Variants in CSMD2 observed in about 807,000 individuals in gnomAD.
CSMD2 encodes the protein CUB and sushi domain-containing protein 2.
A neutral mutation model predicts 398.5 loss-of-function variants in CSMD2; 130 were observed. The ratio of observed to expected loss-of-function variants is 0.33; its 90% CI spans 0.28 to 0.38. The LOEUF (loss-of-function observed/expected upper bound fraction) is 0.38, where lower values mean the gene tolerates loss of function less well. Ranked by LOEUF, CSMD2 falls within the 10% of genes least tolerant of loss-of-function variation. The pLI is 1.00. For synonymous variants in CSMD2, 1,828 were observed against 1,908.5 expected, an observed-to-expected ratio of 0.96 and a Z score of 1.10; for missense variants, 3,829 against 4,764.9, an observed-to-expected ratio of 0.80 and a Z score of 5.78.
chr1:34,146,433 T>C (rs1286581384), intron 1 of CSMD2, among the ~76,000 whole-genome samples: 1 of 152,186 alleles, frequency 6.6e-6, no homozygotes, highest in Non-Finnish European at 1.5e-5. Context: ...ACCTTTGTCT[T>C]GTCCCTCCTC....
intron 29 of CSMD2, among the ~76,000 whole-genome samples, chr1:33,640,465 A>G (rs955796350): frequency 3.9e-5 from 6 of 152,206 alleles, no homozygotes; most frequent in African/African-American, 1.4e-4. Context: ...CTGGTTTTGT[A>G]AATAAAGTTT....
intron 57 of CSMD2, 133 bp downstream of exon 57, chr1:33,545,904 A>G (rs1215984339): frequency 5.4e-6 from 4 of 747,142 alleles, no homozygotes; most frequent in African/African-American, 5.3e-5. Context: ...TTGCAGTCCT[A>G]TCAGCCAGGC....
At chr1:33,535,505 T>C (rs1655682176) in intron 62 of CSMD2, among the ~76,000 whole-genome samples, 2 of 152,244 alleles carry the variant, frequency 1.3e-5, no homozygotes. Context: ...ATTCATTTTC[T>C]TTGCTGTATA....
At chr1:33,570,343 T>G (rs1659485433) in intron 51 of CSMD2, among the ~76,000 whole-genome samples, 1 of 151,464 alleles carries the variant, frequency 6.6e-6, no homozygotes, top group South Asian at 2.1e-4. Context: ...ATTTTTTTTT[T>G]TTTTTTTTTT....
chr1:33,559,793 C>T lies in CSMD2; in HGVS notation c.8381-320G>A, dbSNP rs1309925468. On this transcript the variant is annotated intron_variant, in intron 53 of 70. Coordinates refer to ENST00000373381, the MANE Select transcript of CSMD2 (RefSeq NM_001281956.2). The surrounding 1 kb of genome is among the most constrained non-coding windows in gnomAD (Gnocchi z 4.0). ...TTCCTTGCCTCTGATGCCCTCGGCT[C>T]CCCAGATCCATTCTTAATTGCTGGG... Among the ~76,000 whole-genome samples, 1 of 151,994 alleles carries T rather than the reference C, an allele frequency of 6.6e-6. No individual in the cohort carries two copies. Among genetic ancestry groups the T allele is most frequent in the Non-Finnish European group, 1.5e-5 (1 of 67,982 alleles).
At chr1:33,786,765 TG>T (rs951364781) in intron 12 of CSMD2, among the ~76,000 whole-genome samples, 9 of 152,192 alleles carry the variant, frequency 5.9e-5, no homozygotes, top group African/African-American at 2.2e-4. Flanking sequence ...TTCTGTCTGT[TG>T]TTCTGTCTTC....
intron 2 of CSMD2, among the ~76,000 whole-genome samples, chr1:34,052,241 C>T (rs957826032): frequency 5.3e-5 from 8 of 151,088 alleles, no homozygotes; most frequent in South Asian, 2.1e-4. Flanking sequence ...AGTCAACCAA[C>T]CATGCATTGA....
intron 3 of CSMD2, among the ~76,000 whole-genome samples, chr1:34,021,601 C>A (rs1410108443): frequency 6.6e-6 from 1 of 152,204 alleles, no homozygotes; most frequent in African/African-American, 2.4e-5. Flanking sequence ...CCTGGGGCAC[C>A]CTGCTGCTTC....
At chr1:33,673,165 A>G (rs993649493) in intron 25 of CSMD2, among the ~76,000 whole-genome samples, 3 of 152,212 alleles carry the variant, frequency 2.0e-5, no homozygotes, top group African/African-American at 7.2e-5. Context: ...AACTACTCCA[A>G]GCTAAAGGAG....
intron 2 of CSMD2, among the ~76,000 whole-genome samples, chr1:34,071,905 A>T (rs1655770926): frequency 6.6e-6 from 1 of 152,254 alleles, no homozygotes; most frequent in African/African-American, 2.4e-5. Flanking sequence ...TCATTCAATC[A>T]CACAATTTCA....
intron 5 of CSMD2, among the ~76,000 whole-genome samples, chr1:33,865,479 C>T (rs375821812): frequency 6.5e-4 from 99 of 152,070 alleles, no homozygotes; most frequent in African/African-American, 2.3e-3. Context: ...ATGTGGCCTC[C>T]ACTCCTCTTC....
chr1:34,043,093 T>C (rs1652058595), intron 2 of CSMD2, among the ~76,000 whole-genome samples: 1 of 151,952 alleles, frequency 6.6e-6, no homozygotes, highest in East Asian at 1.9e-4. Context: ...CCAGCTAATT[T>C]TTTTGTATTT....
intron 19 of CSMD2, among the ~76,000 whole-genome samples, chr1:33,722,563 A>C (rs991407565): frequency 3.9e-5 from 6 of 152,310 alleles, no homozygotes; most frequent in African/African-American, 1.4e-4. Context: ...TCTGTTACAA[A>C]GTGTTACTTT....
chr1:33,651,258 G>A (rs1402874895), intron 28 of CSMD2, among the ~76,000 whole-genome samples: 1 of 152,162 alleles, frequency 6.6e-6, no homozygotes, highest in Non-Finnish European at 1.5e-5. Flanking sequence ...CATGAGGAGA[G>A]TGAAGGCGAT....
intron 16 of CSMD2, 85 bp downstream of exon 16, chr1:33,726,462 C>T: frequency 2.8e-6 from 4 of 1,454,418 alleles, no homozygotes; most frequent in Non-Finnish European, 3.7e-6. Flanking sequence ...TGGTACTGGT[C>T]CCCTATCCAC....
intron 25 of CSMD2, among the ~76,000 whole-genome samples, chr1:33,676,678 C>T (rs893385550): frequency 6.6e-6 from 1 of 152,174 alleles, no homozygotes; most frequent in Non-Finnish European, 1.5e-5. Flanking sequence ...AAGAACAAAG[C>T]TGGAGGCATC....
chr1:33,887,246 G>A (rs544405085), intron 5 of CSMD2, among the ~76,000 whole-genome samples: 32 of 149,026 alleles, frequency 2.1e-4, no homozygotes, highest in East Asian at 3.9e-4. Context: ...CATAAATTCA[G>A]AAAAAAAAAA....
intron 10 of CSMD2, chr1:33,804,944 C>A: frequency 2.8e-6 from 2 of 714,794 alleles, no homozygotes; most frequent in Non-Finnish European, 5.2e-6. Context: ...GCTCCCTCAG[C>A]ACTACCTGAA....
chr1:34,031,293 C>T (rs748883576), intron 3 of CSMD2, among the ~76,000 whole-genome samples: 1 of 151,954 alleles, frequency 6.6e-6, no homozygotes, highest in African/African-American at 2.4e-5. Context: ...AAACTCCTGG[C>T]CTCAAGTGAT....
Sources: gnomAD v4.1 joint callset for allele counts (sites outside exome capture counted in the v4.1 genomes callset) on GRCh38, gnomAD v4.1.1 for gene constraint, Gnocchi (gnomAD v3.1) non-coding constraint, MANE v1.5 for transcripts, NCBI Gene and HGNC (gene_info 2026-07-23, HGNC 2026-07-21) for gene names.